MTUS2: variants seen among roughly 807,000 people sequenced by gnomAD.
MTUS2 encodes the protein microtubule associated scaffold protein 2.
In MTUS2, 40 loss-of-function variants were observed where a neutral mutation model predicts 114.1. The observed-to-expected ratio is 0.35, with a 90% CI of 0.27 to 0.46. The LOEUF is 0.46. Among genes scored for constraint, MTUS2 ranks in the 20% least tolerant of loss-of-function variants. The pLI, the probability that MTUS2 is intolerant of heterozygous loss-of-function variation, is 1.00. For synonymous variants in MTUS2, 688 were observed against 672.0 expected, an observed-to-expected ratio of 1.02 and a Z score of -0.37; for missense variants, 1,679 against 1,705.4, an observed-to-expected ratio of 0.98 and a Z score of 0.27.
chr13:29,224,135 G>C (rs1330080869), intron 5 of MTUS2, among the ~76,000 whole-genome samples: 1 of 152,196 alleles, frequency 6.6e-6, no homozygotes, highest in Non-Finnish European at 1.5e-5. Flanking sequence ...TGGGTGGAAC[G>C]AGCCCAGTGG....
At chr13:29,402,458 C>T (rs747232013) in intron 8 of MTUS2, among the ~76,000 whole-genome samples, 7 of 152,226 alleles carry the variant, frequency 4.6e-5, no homozygotes, top group Non-Finnish European at 1.0e-4. Flanking sequence ...AAGCATAAAA[C>T]ACGAGAGATA....
At chr13:28,955,180 C>T (rs375439682) in intron 2 of MTUS2, among the ~76,000 whole-genome samples, 5 of 152,202 alleles carry the variant, frequency 3.3e-5, no homozygotes, top group Non-Finnish European at 2.9e-5. Context: ...GTTACATCTG[C>T]GCCCCTGCCA....
intron 1 of MTUS2, among the ~76,000 whole-genome samples, chr13:28,838,775 A>AT (rs1428275620): frequency 6.6e-6 from 1 of 151,624 alleles, no homozygotes; most frequent in Non-Finnish European, 1.5e-5. Context: ...GTTGGAAGTA[A>AT]TTGGGGACTG....
At chr13:29,054,024 C>T (rs553491743) in intron 4 of MTUS2, among the ~76,000 whole-genome samples, 7 of 152,182 alleles carry the variant, frequency 4.6e-5, no homozygotes, top group Non-Finnish European at 8.8e-5. Context: ...ATCTTACAGT[C>T]CCATGAGCAA....
chr13:29,360,556 A>G (rs1217371490), intron 8 of MTUS2, among the ~76,000 whole-genome samples: 1 of 152,114 alleles, frequency 6.6e-6, no homozygotes, highest in Non-Finnish European at 1.5e-5. Context: ...CATTTTACCA[A>G]TAGTTTCAGC....
rs140343723 is a variant in MTUS2 at position 29,221,317 on chromosome 13, A to G, written c.2645-60387A>G. Among the ~76,000 whole-genome samples the G allele has an allele frequency of 3.4e-3, 515 of 152,376 alleles. 4 individuals carry two copies. Among genetic ancestry groups the G allele is most frequent in the African/African-American group, 0.012 (489 of 41,594 alleles). On this transcript the variant is annotated intron_variant, in intron 5 of 15. Coordinates refer to ENST00000612955, the MANE Select transcript of MTUS2 (RefSeq NM_001033602.4). Reference sequence around the variant, plus strand: ...TGTTAAAAGGCAATGGCCAAATGCCATTCAAAGTATTTTCCAATTAACATT... The same window carrying G: ...TGTTAAAAGGCAATGGCCAAATGCCGTTCAAAGTATTTTCCAATTAACATT...
chr13:29,020,351 T>C (rs1293939330), intron 2 of MTUS2, among the ~76,000 whole-genome samples: 1 of 152,210 alleles, frequency 6.6e-6, no homozygotes, highest in Non-Finnish European at 1.5e-5. Flanking sequence ...CAGTCTTGTA[T>C]TATGTACAAG....
At position 29,480,211 on chromosome 13, in the gene MTUS2, C is replaced by T. The variant is rs1396125954; in HGVS notation, c.3246C>T (p.Phe1082=). The stretch of plus-strand genomic sequence containing the variant: ...AGAAGGAGGAGCTGGAGAGGCGGTT[C>T]GAGGACGAGGTGAAGAGGCTGGGCT... ...QKEKEELERR[F]EDEVKRLGWQ... The change falls in exon 10 of 16, where the codon TTC becomes TTT. Residue 1082 remains phenylalanine, a synonymous_variant. Transcript: ENST00000612955. The surrounding 1 kb of genome is among the most constrained non-coding windows in gnomAD (Gnocchi z 4.4). The T allele has an allele frequency of 8.4e-6, 13 of 1,555,042 alleles. No homozygotes were observed. The Middle Eastern group carries it at 5.1e-4, about 60-fold the overall frequency.
At chr13:29,181,646 C>A (rs1330709889) in intron 5 of MTUS2, among the ~76,000 whole-genome samples, 1 of 151,874 alleles carries the variant, frequency 6.6e-6, no homozygotes, top group East Asian at 1.9e-4. Context: ...CAAACTTTTA[C>A]TCGGTTACCA....
At chr13:29,310,031 T>G (rs1442946815) in intron 6 of MTUS2, among the ~76,000 whole-genome samples, 1 of 152,202 alleles carries the variant, frequency 6.6e-6, no homozygotes, top group Non-Finnish European at 1.5e-5. Flanking sequence ...TCTAACTATA[T>G]TTTTGTATCC....
intron 7 of MTUS2, among the ~76,000 whole-genome samples, chr13:29,336,890 A>T (rs2138090077): frequency 6.6e-6 from 1 of 152,336 alleles, no homozygotes; most frequent in East Asian, 1.9e-4. Context: ...GCTTTGCAGC[A>T]CTGAGGTGGG....
At chr13:29,087,572 G>A (rs889431298) in intron 4 of MTUS2, among the ~76,000 whole-genome samples, 2 of 152,020 alleles carry the variant, frequency 1.3e-5, no homozygotes, top group Non-Finnish European at 2.9e-5. Context: ...CTTTTTTCAT[G>A]TGTCTCTGTC....
rs1878327143 is a variant in MTUS2 at position 29,446,908 on chromosome 13, C to G, written c.3184+6859C>G. ...CTTTTATGGTTCAAGAGTAGAGTCCCTATGGAGTGGCTGAATTTGCTCATA... is the reference window on the plus strand; with the variant it reads ...CTTTTATGGTTCAAGAGTAGAGTCCGTATGGAGTGGCTGAATTTGCTCATA... On this transcript the variant is annotated intron_variant, in intron 9 of 15. Transcript: ENST00000612955. 2.0e-5 allele frequency among the ~76,000 whole-genome samples: 3 copies of G among 152,074 alleles called. No individual in the cohort carries two copies. The South Asian group carries it at 6.2e-4, about 32-fold the overall frequency.
rs373686772 is a variant in MTUS2 at position 28,890,743 on chromosome 13, A to G, written c.-243+50893A>G. On this transcript the variant is annotated intron_variant, in intron 2 of 15. Coordinates refer to ENST00000612955, the MANE Select transcript of MTUS2 (RefSeq NM_001033602.4). ...TTAGATTACATTTTATTAATGGAGT[A>G]TGTATTTTTCTGTGAGAAGCATTGA... is the stretch of plus-strand genomic sequence containing the variant. Among the ~76,000 whole-genome samples the G allele has an allele frequency of 4.6e-5, 7 of 152,188 alleles. No individual in the cohort carries two copies. The East Asian group carries it at 7.7e-4, about 17-fold the overall frequency.
rs535418474 is a variant in MTUS2, at chr13:29,307,049, G to A, written c.2807-17564G>A. Reference sequence around the variant, plus strand: ...TCCAAAATCAAATGGGGTGATGCTGGCACTGAGTACAGTGTGGAGTCCACC... The same window carrying A: ...TCCAAAATCAAATGGGGTGATGCTGACACTGAGTACAGTGTGGAGTCCACC... On this transcript the variant is annotated intron_variant, in intron 6 of 15. Transcript: ENST00000612955. The A allele has an allele frequency of 4.8e-4, 248 of 516,990 alleles. 2 individuals carry two copies. The highest frequency in any genetic ancestry group is 4.3e-3 in the African/African-American group (228 of 52,460). 32.0% of individuals were successfully genotyped at this position (516,990 alleles called of 1,614,324 possible).
intron 2 of MTUS2, among the ~76,000 whole-genome samples, chr13:28,958,162 C>T (rs1883158874): frequency 6.6e-6 from 1 of 152,204 alleles, no homozygotes; most frequent in Non-Finnish European, 1.5e-5. Context: ...ACTTGTGCCT[C>T]CTGCTTAATT....
intron 6 of MTUS2, among the ~76,000 whole-genome samples, chr13:29,292,226 G>A (rs1307051315): frequency 6.6e-6 from 1 of 152,178 alleles, no homozygotes; most frequent in Non-Finnish European, 1.5e-5. Context: ...TCCCTTGGTG[G>A]CTCTAAGCTG....
chr13:28,849,762 G>T (rs919576817), intron 2 of MTUS2, among the ~76,000 whole-genome samples: 4 of 151,994 alleles, frequency 2.6e-5, no homozygotes, highest in African/African-American at 9.7e-5. Context: ...GCCTTGTGCT[G>T]CCTCTCTCTC....
At chr13:29,140,941 G>A (rs61701733) in intron 5 of MTUS2, among the ~76,000 whole-genome samples, 12,095 of 152,162 alleles carry the variant, frequency 0.079, 565 homozygotes, top group Non-Finnish European at 0.1. Context: ...AATCGGTGTC[G>A]ATGTGCACTA....
Sources: allele counts gnomAD v4.1 joint callset (sites outside exome capture counted in the v4.1 genomes callset), GRCh38; gene constraint gnomAD v4.1.1; non-coding constraint Gnocchi (gnomAD v3.1); transcripts MANE v1.5; gene names NCBI Gene and HGNC (gene_info 2026-07-23, HGNC 2026-07-21).